KPNA4: variants seen among roughly 807,000 people sequenced by gnomAD.
The protein encoded by KPNA4 is importin subunit alpha-3.
Under a neutral mutation model 71.3 loss-of-function variants are expected in KPNA4, and 13 were observed. That is an observed-to-expected ratio of 0.18 (90% CI 0.12 to 0.29). The LOEUF (loss-of-function observed/expected upper bound fraction) is 0.29. Among genes scored for constraint, KPNA4 ranks in the 10% least tolerant of loss-of-function variants. KPNA4 has a pLI of 1.00. For synonymous variants in KPNA4, 189 were observed against 195.2 expected, an observed-to-expected ratio of 0.97 and a Z score of 0.26; for missense variants, 334 against 603.2, an observed-to-expected ratio of 0.55 and a Z score of 4.67.
chr3:160,563,323 T>C (rs1358668299), intron 1 of KPNA4, among the ~76,000 whole-genome samples: 1 of 152,194 alleles, frequency 6.6e-6, no homozygotes, highest in African/African-American at 2.4e-5. Context: ...TTATATGGGA[T>C]GTCCAGGATA....
At chr3:160,507,211 A>G (rs1721001082) in intron 15 of KPNA4, among the ~76,000 whole-genome samples, 2 of 152,178 alleles carry the variant, frequency 1.3e-5, no homozygotes, top group Admixed American at 1.3e-4. Flanking sequence ...GTTAAGATTC[A>G]CAGGAGGTCG....
At chr3:160,557,685 T>A (rs2108561826) in intron 1 of KPNA4, among the ~76,000 whole-genome samples, 1 of 152,324 alleles carries the variant, frequency 6.6e-6, no homozygotes, top group East Asian at 1.9e-4. Context: ...AAAATTTCTA[T>A]CTATCTGAGA....
At chr3:160,558,668 GT>G (rs1396038859) in intron 1 of KPNA4, among the ~76,000 whole-genome samples, 2 of 152,074 alleles carry the variant, frequency 1.3e-5, no homozygotes, top group Non-Finnish European at 2.9e-5. Flanking sequence ...TCAAAGCATG[GT>G]CCACGGGCCC....
intron 16 of KPNA4, among the ~76,000 whole-genome samples, chr3:160,503,898 CAT>C (rs1357314129): frequency 1.3e-5 from 2 of 152,084 alleles, no homozygotes; most frequent in Non-Finnish European, 2.9e-5. Context: ...GCCAGGGCAA[CAT>C]AGGGAGACCT....
Position 160,502,034 on chromosome 3 carries a change from A to G in KPNA4, c.*70T>C. ...TTTTTATATATATGTATATATATAT[A>G]TATATACACACACACATATATATAT... is the stretch of plus-strand genomic sequence containing the variant. On this transcript the variant is annotated 3_prime_UTR_variant, in exon 17 of 17. Coordinates refer to ENST00000334256, the MANE Select transcript of KPNA4 (RefSeq NM_002268.5). 2 of 435,124 alleles carry G rather than the reference A, an allele frequency of 4.6e-6. No individual in the cohort carries two copies. The allele number at this position is 435,124 out of a possible 1,614,324, so 27.0% of individuals were successfully genotyped here.
At chr3:160,519,781 G>T (rs1254822599) in intron 11 of KPNA4, among the ~76,000 whole-genome samples, 5 of 128,354 alleles carry the variant, frequency 3.9e-5, no homozygotes, top group Non-Finnish European at 7.9e-5. Flanking sequence ...CGGCCTGGGC[G>T]ACAGAGCGAG....
In KPNA4 at chr3:160,504,942, C is replaced by T. The variant is rs148196017; in HGVS notation, c.1467+16G>A. On this transcript the variant is annotated intron_variant, in intron 16 of 16. Coordinates refer to ENST00000334256, the MANE Select transcript of KPNA4 (RefSeq NM_002268.5). ...TTTATATATAAAATTAAGAAAACTA[C>T]AAAATTATTAAATACATCATCTGAA... is the stretch of plus-strand genomic sequence containing the variant. The T allele has an allele frequency of 5.5e-4, 714 of 1,307,330 alleles. 5 individuals carry two copies. The African/African-American group carries it at 8.7e-3, about 16-fold the overall frequency. 81.0% of individuals were successfully genotyped at this position (1,307,330 alleles called of 1,614,324 possible).
At chr3:160,537,320 CGTCT>C (rs1014853138) in intron 1 of KPNA4, among the ~76,000 whole-genome samples, 10 of 151,264 alleles carry the variant, frequency 6.6e-5, no homozygotes, top group African/African-American at 2.4e-4. Context: ...GATTCTGACA[CGTCT>C]ATCTATCCTG....
chr3:160,508,061 CA>C, intron 15 of KPNA4, 45 bp downstream of exon 15: 2 of 1,447,784 alleles, frequency 1.4e-6, no homozygotes, highest in East Asian at 4.7e-5. Context: ...AAGGTAGTTA[CA>C]AAGAGAACAT....
At chr3:160,563,416 T>C (rs1722282825) in intron 1 of KPNA4, among the ~76,000 whole-genome samples, 1 of 152,216 alleles carries the variant, frequency 6.6e-6, no homozygotes, top group Non-Finnish European at 1.5e-5. Flanking sequence ...AGTACAGGTT[T>C]CTTTTTGGGG....
chr3:160,534,930 G>A (rs546795175), intron 5 of KPNA4, among the ~76,000 whole-genome samples: 10 of 151,782 alleles, frequency 6.6e-5, no homozygotes, highest in Admixed American at 6.6e-4. Context: ...CAGTATGTTG[G>A]CCAGGCTGGT....
intron 1 of KPNA4, among the ~76,000 whole-genome samples, chr3:160,544,024 G>T (rs1721857366): frequency 6.6e-6 from 1 of 152,028 alleles, no homozygotes; most frequent in Admixed American, 6.6e-5. Context: ...CGCCCAGTGT[G>T]GCGTGGTATT....
rs1363927827 is a variant in KPNA4, at chr3:160,520,439, T to C, written c.903+1340A>G. On this transcript the variant is annotated intron_variant, in intron 11 of 16. Transcript: ENST00000334256. ...GCTAATTTTTTTTTTTTTTTTTGTA[T>C]TTTAGTAAAGACAGGGTTTCACCAT... Among the ~76,000 whole-genome samples the C allele has an allele frequency of 4.0e-5, 6 of 151,028 alleles. No individual in the cohort carries two copies. The East Asian group carries it at 1.2e-3, about 29-fold the overall frequency.
intron 1 of KPNA4, chr3:160,564,652 A>T (rs1390987280): frequency 1.3e-5 from 2 of 151,534 alleles, no homozygotes; most frequent in East Asian, 3.9e-4. Context: ...TGTAGTTTGG[A>T]TATTGGGGGG....
chr3:160,553,430 G>A (rs1279293417), intron 1 of KPNA4, among the ~76,000 whole-genome samples: 1 of 152,158 alleles, frequency 6.6e-6, no homozygotes, highest in African/African-American at 2.4e-5. Flanking sequence ...ATTACGTAAA[G>A]ACTAAGACAG....
At chr3:160,533,886 T>G (rs1040859029) in intron 5 of KPNA4, among the ~76,000 whole-genome samples, 17 of 152,372 alleles carry the variant, frequency 1.1e-4, no homozygotes, top group Admixed American at 5.9e-4. Flanking sequence ...GATTGCATGT[T>G]GAGAAGAACT....
At chr3:160,525,191 A>AT (rs550926604) in intron 10 of KPNA4, among the ~76,000 whole-genome samples, 2,944 of 151,728 alleles carry the variant, frequency 0.019, 56 homozygotes, top group Middle Eastern at 0.041. Context: ...GCCTGCACTG[A>AT]TTTTTTTTTC....
chr3:160,544,005 C>T (rs1721857030), intron 1 of KPNA4, among the ~76,000 whole-genome samples: 1 of 152,050 alleles, frequency 6.6e-6, no homozygotes, highest in African/African-American at 2.4e-5. Flanking sequence ...TTACAGGTGC[C>T]CGCCACCACG....
rs1487415182 is a variant in KPNA4, at chr3:160,526,030, T to C, written c.634A>G (p.Ile212Val). 6.2e-7 allele frequency: 1 copy of C among 1,602,230 alleles called. No homozygotes were observed. The highest frequency in any genetic ancestry group is 8.5e-7 in the Non-Finnish European group (1 of 1,175,270). Residue 212 changes from isoleucine (I) to valine (V), a missense_variant, in exon 9 of 17, where the codon ATT (isoleucine) becomes GTT (valine). Ile to Val is a conservative substitution (Grantham distance 29). Transcript: ENST00000334256. The stretch of plus-strand genomic sequence containing the variant: ...ACATTTCTTAAGAATGTTATAGGAA[T>C]AGATGGACTTATGAAGGAAAGTAAA... ...KPLLSFISPSIPITFLRNVTW... is the reference protein window; with the variant it reads ...KPLLSFISPSVPITFLRNVTW...
Sources: allele counts gnomAD v4.1 joint callset (sites outside exome capture counted in the v4.1 genomes callset), GRCh38; gene constraint gnomAD v4.1.1; transcripts MANE v1.5; gene names NCBI Gene and HGNC (gene_info 2026-07-23, HGNC 2026-07-21).